ARID3A: variants seen among roughly 807,000 people sequenced by gnomAD.
The protein encoded by ARID3A is AT-rich interaction domain 3A, also known as AT-rich interactive domain-containing protein 3A.
ARID3A carries 11 observed loss-of-function variants against 52.7 expected under a neutral mutation model. That is an observed-to-expected ratio of 0.21 (90% CI 0.13 to 0.35). The LOEUF (loss-of-function observed/expected upper bound fraction) is 0.35. Among genes scored for constraint, ARID3A ranks in the 10% least tolerant of loss-of-function variants. ARID3A has a pLI of 1.00. For synonymous variants in ARID3A, 404 were observed against 359.4 expected, an observed-to-expected ratio of 1.12 and a Z score of -1.40; for missense variants, 721 against 838.5, an observed-to-expected ratio of 0.86 and a Z score of 1.73.
At chr19:967,127 C>T (rs531425798) in intron 7 of ARID3A, among the ~76,000 whole-genome samples, 9 of 152,156 alleles carry the variant, frequency 5.9e-5, no homozygotes, top group African/African-American at 1.4e-4. Flanking sequence ...GGCGTGGCAG[C>T]GCACCCCTGT....
rs532663397 is a variant in ARID3A, at chr19:964,194, G to A, written c.767-54G>A. On this transcript the variant is annotated intron_variant, in intron 4 of 8. Transcript: ENST00000263620. The surrounding 1 kb of genome is among the most constrained non-coding windows in gnomAD (Gnocchi z 5.7). ...GGAGAGGGCGGAGGCCAGGACACTC[G>A]GCTCCCTGCAGTGCCCAGGTGGCCC... is the stretch of plus-strand genomic sequence containing the variant. 1.7e-4 allele frequency: 248 copies of A among 1,492,792 alleles called. No homozygotes were observed. Among genetic ancestry groups the A allele is most frequent in the Non-Finnish European group, 2.1e-4 (229 of 1,088,940 alleles). The allele number at this position is 1,492,792 out of a possible 1,614,324, so 92.5% of individuals were successfully genotyped here.
intron 8 of ARID3A, 54 bp downstream of exon 8, chr19:968,557 A>C: frequency 6.4e-7 from 1 of 1,556,976 alleles, no homozygotes; most frequent in East Asian, 2.3e-5. Context: ...CGCCGCCGTG[A>C]ACTCAGGACC....
At chr19:927,799 G>A (rs1437467885) in intron 1 of ARID3A, among the ~76,000 whole-genome samples, 2 of 152,138 alleles carry the variant, frequency 1.3e-5, no homozygotes, top group African/African-American at 4.8e-5. Context: ...ATGGCCCTGA[G>A]GTCTTTGTGA....
Position 941,234 on chromosome 19 carries a change from C to T in ARID3A, c.693+8492C>T, listed in dbSNP as rs548712637. Among the ~76,000 whole-genome samples, 10 of 152,352 alleles carry T rather than the reference C, an allele frequency of 6.6e-5. No individual in the cohort carries two copies. The highest frequency in any genetic ancestry group is 1.4e-4 in the African/African-American group (6 of 41,592). ...CGGGGGAATGGGCGTGGTGAGCCGC[C>T]GTGGCGTGCGTGCGAGTGTGCACGC... On this transcript the variant is annotated intron_variant, in intron 3 of 8. Coordinates refer to ENST00000263620, the MANE Select transcript of ARID3A (RefSeq NM_005224.3). The surrounding 1 kb of genome is among the most constrained non-coding windows in gnomAD (Gnocchi z 6.9).
At position 965,011 on chromosome 19, in the gene ARID3A, G is replaced by A. The variant is rs752498725; in HGVS notation, c.1129G>A (p.Val377Met). The A allele has an allele frequency of 2.0e-5, 33 of 1,613,438 alleles. No homozygotes were observed. The highest frequency in any genetic ancestry group is 2.4e-5 in the Non-Finnish European group (28 of 1,179,898). ...CATGCTCTCCTCACCCAAGCTACCCGTGTCCTCCCTGGGCCTGGCCGCAAG... is the reference window on the plus strand; with the variant it reads ...CATGCTCTCCTCACCCAAGCTACCCATGTCCTCCCTGGGCCTGGCCGCAAG... ...HGMLSSPKLPVSSLGLAASTN... is the reference protein window; with the variant it reads ...HGMLSSPKLPMSSLGLAASTN... The change falls in exon 6 of 9, where the codon GTG becomes ATG. Residue 377 changes from valine (V) to methionine (M), a missense_variant. Coordinates refer to ENST00000263620, the MANE Select transcript of ARID3A (RefSeq NM_005224.3).
At chr19:930,565 A>T (rs182748300) in intron 2 of ARID3A, among the ~76,000 whole-genome samples, 1 of 145,024 alleles carries the variant, frequency 6.9e-6, no homozygotes, top group East Asian at 2.2e-4. Context: ...GCTGGAGTGC[A>T]GTGGCGTGAT....
Position 974,160 on chromosome 19 carries a change from C to A in ARID3A, c.*2095C>A. The A allele has an allele frequency of 4.5e-6, 1 of 224,196 alleles. No individual in the cohort carries two copies. The highest frequency in any genetic ancestry group is 8.9e-6 in the Non-Finnish European group (1 of 112,380). 13.9% of individuals were successfully genotyped at this position (224,196 alleles called of 1,614,324 possible). On this transcript the variant is annotated 3_prime_UTR_variant, in exon 9 of 9. Coordinates refer to ENST00000263620, the MANE Select transcript of ARID3A (RefSeq NM_005224.3). ...CCCTGGGGAGGGGGCTGGGGGGCTT[C>A]TGAGCCCCTGAGTCTAGGTTCACTT...
Position 930,014 on chromosome 19 carries a change from A to C in ARID3A, c.368+118A>C, listed in dbSNP as rs373803117. 2.9e-4 allele frequency: 416 copies of C among 1,421,056 alleles called. 1 individual carries two copies. In the African/African-American group the frequency reaches 5.4e-3, roughly 18 times the overall value. 88.0% of individuals were successfully genotyped at this position (1,421,056 alleles called of 1,614,324 possible). On this transcript the variant is annotated intron_variant, in intron 2 of 8. Transcript: ENST00000263620. ...CGCGGGATCTCCTTCCTGTAATTCC[A>C]GCAGTTTGAGAGGCCGACGTGGGAG...
At chr19:971,816 T>C (rs2038280436) in intron 8 of ARID3A, 62 bp from the exon 9 acceptor site, 1 of 1,530,290 alleles carries the variant, frequency 6.5e-7, no homozygotes, top group Non-Finnish European at 8.8e-7. Flanking sequence ...TGGGTCTCCC[T>C]TGTGGCCCGC....
rs778347773 is a variant in ARID3A, at chr19:932,405, C to G, written c.369-13C>G. Reference sequence around the variant, plus strand: ...CACCTTCTCCCCTGACTCCTGCCCTCTGCTCACCCCAGGAAGCCCAAATGG... The same window carrying G: ...CACCTTCTCCCCTGACTCCTGCCCTGTGCTCACCCCAGGAAGCCCAAATGG... On this transcript the variant is annotated splice_polypyrimidine_tract_variant and intron_variant, in intron 2 of 8. Coordinates refer to ENST00000263620, the MANE Select transcript of ARID3A (RefSeq NM_005224.3). 4.4e-6 allele frequency: 7 copies of G among 1,594,116 alleles called. No individual in the cohort carries two copies. The highest frequency in any genetic ancestry group is 3.6e-5 in the Admixed American group (2 of 54,834).
At chr19:971,597 GA>G (rs2145478221) in intron 8 of ARID3A, among the ~76,000 whole-genome samples, 1 of 152,236 alleles carries the variant, frequency 6.6e-6, no homozygotes, top group African/African-American at 2.4e-5. Context: ...CTGCGCGACA[GA>G]GCGAGACACC....
At chr19:961,003 C>T (rs918218538) in intron 4 of ARID3A, among the ~76,000 whole-genome samples, 21 of 152,234 alleles carry the variant, frequency 1.4e-4, no homozygotes, top group Non-Finnish European at 2.2e-4. Flanking sequence ...CAAGGGCTTC[C>T]GTCTCGCCTC....
chr19:927,468 C>G (rs2037225742), intron 1 of ARID3A, among the ~76,000 whole-genome samples: 1 of 151,986 alleles, frequency 6.6e-6, no homozygotes, highest in Non-Finnish European at 1.5e-5. Flanking sequence ...CCTCCCCCAC[C>G]CGGCGACCCG....
chr19:951,888 C>T (rs569061244), intron 3 of ARID3A, among the ~76,000 whole-genome samples: 11 of 152,134 alleles, frequency 7.2e-5, no homozygotes, highest in Non-Finnish European at 1.3e-4. Flanking sequence ...AGAATCCCAG[C>T]ACTTCGAGAG....
At chr19:957,773 G>C (rs1426752790) in intron 3 of ARID3A, among the ~76,000 whole-genome samples, 2 of 152,194 alleles carry the variant, frequency 1.3e-5, no homozygotes, top group African/African-American at 4.8e-5. Context: ...GAGCCCAGGA[G>C]GTTGAGGCTG....
Position 929,503 on chromosome 19 carries a change from G to A in ARID3A, c.-26G>A. 6.6e-7 allele frequency: 1 copy of A among 1,503,814 alleles called. No individual in the cohort carries two copies. The highest frequency in any genetic ancestry group is 8.8e-7 in the Non-Finnish European group (1 of 1,132,988). The allele number at this position is 1,503,814 out of a possible 1,614,324, so 93.2% of individuals were successfully genotyped here. On this transcript the variant is annotated 5_prime_UTR_variant, in exon 2 of 9. In the 5' UTR this introduces an upstream ATG that the reference lacks. Coordinates refer to ENST00000263620, the MANE Select transcript of ARID3A (RefSeq NM_005224.3). The surrounding 1 kb of genome is among the most constrained non-coding windows in gnomAD (Gnocchi z 6.2). ...GCCCGTGGTGGTGGTGGTGGTGGTGGTGGTGGTGGCCCGGGCCGCAGGGCC... is the reference window on the plus strand; with the variant it reads ...GCCCGTGGTGGTGGTGGTGGTGGTGATGGTGGTGGCCCGGGCCGCAGGGCC...
chr19:958,876 C>T (rs893256419), intron 3 of ARID3A, among the ~76,000 whole-genome samples: 10 of 151,508 alleles, frequency 6.6e-5, no homozygotes, highest in African/African-American at 1.7e-4. Context: ...CTGGGGACAG[C>T]GAGACTCCGT....
At chr19:963,849 CCT>C (rs1463855305) in intron 4 of ARID3A, among the ~76,000 whole-genome samples, 1 of 152,300 alleles carries the variant, frequency 6.6e-6, no homozygotes, top group Non-Finnish European at 1.5e-5. Context: ...CTGCAGAGCC[CCT>C]GTCAGTGTGG....
intron 1 of ARID3A, among the ~76,000 whole-genome samples, chr19:926,575 G>A (rs1329821623): frequency 6.6e-6 from 1 of 151,890 alleles, no homozygotes; most frequent in African/African-American, 2.4e-5. Context: ...CAGAGAGGAG[G>A]GAGGGTAGTT....
Sources: gnomAD v4.1 joint callset for allele counts (sites outside exome capture counted in the v4.1 genomes callset) on GRCh38, gnomAD v4.1.1 for gene constraint, Gnocchi (gnomAD v3.1) non-coding constraint, MANE v1.5 for transcripts, NCBI Gene and HGNC (gene_info 2026-07-23, HGNC 2026-07-21) for gene names.